Variants in SGCZ observed in about 807,000 individuals in gnomAD.
The protein encoded by SGCZ is zeta-sarcoglycan.
Under a neutral mutation model 41.3 loss-of-function variants are expected in SGCZ, and 40 were observed. That is an observed-to-expected ratio of 0.97 (90% CI 0.75 to 1.26). The LOEUF is 1.26. Among genes scored for constraint, SGCZ ranks in the 50% most tolerant of loss-of-function variants. The pLI, the probability that SGCZ is intolerant of heterozygous loss-of-function variation, is 0.00. For missense variants in SGCZ, 552 were observed against 369.8 expected (o/e 1.49, Z -4.04); for synonymous variants, 206 against 137.5 (o/e 1.50, Z -3.49).
intron 2 of SGCZ, among the ~76,000 whole-genome samples, chr8:14,479,147 G>A (rs1039047552): frequency 6.6e-6 from 1 of 152,186 alleles, no homozygotes; most frequent in Admixed American, 6.5e-5. Context: ...TGAGAAGCAA[G>A]GAAGCCAGTC....
At chr8:14,346,206 T>C (rs916722458) in intron 2 of SGCZ, among the ~76,000 whole-genome samples, 1 of 151,896 alleles carries the variant, frequency 6.6e-6, no homozygotes, top group Admixed American at 6.6e-5. Context: ...GTGGAGTGAG[T>C]TGATATATGG....
At chr8:14,444,271 A>G (rs1170829498) in intron 2 of SGCZ, among the ~76,000 whole-genome samples, 1 of 152,204 alleles carries the variant, frequency 6.6e-6, no homozygotes, top group African/African-American at 2.4e-5. Flanking sequence ...TCAGGGATCT[A>G]GAACTAGAAA....
intron 3 of SGCZ, among the ~76,000 whole-genome samples, chr8:14,253,366 A>G (rs1441288110): frequency 6.6e-6 from 1 of 152,084 alleles, no homozygotes. Context: ...ATATTATTAT[A>G]AGATAAAAGC....
chr8:14,324,879 G>T (rs564131858), intron 2 of SGCZ, among the ~76,000 whole-genome samples: 3 of 152,116 alleles, frequency 2.0e-5, no homozygotes, highest in Non-Finnish European at 4.4e-5. Context: ...GATTGACTAC[G>T]ATAAAGTTGT....
In SGCZ at chr8:15,235,966, G is replaced by C. The variant is rs866284067; in HGVS notation, c.39+1619C>G. 3.3e-5 allele frequency among the ~76,000 whole-genome samples: 5 copies of C among 152,138 alleles called. No homozygotes were observed. In the South Asian group the frequency reaches 6.2e-4, roughly 19 times the overall value. On this transcript the variant is annotated intron_variant, in intron 1 of 7. Coordinates refer to ENST00000382080, the MANE Select transcript of SGCZ (RefSeq NM_139167.4). ...AGTAGGGAATCTTTGCAAACATAAA[G>C]GCAATGTGTCCTATCGGAGTAGAGC...
At chr8:15,160,496 T>C (rs1412788800) in intron 1 of SGCZ, among the ~76,000 whole-genome samples, 2 of 152,134 alleles carry the variant, frequency 1.3e-5, no homozygotes, top group Admixed American at 6.5e-5. Flanking sequence ...CTAGTGTAGA[T>C]GGACCCAGCA....
chr8:14,142,993 A>C (rs1448344750), intron 5 of SGCZ, among the ~76,000 whole-genome samples: 1 of 129,704 alleles, frequency 7.7e-6, no homozygotes, highest in Non-Finnish European at 1.7e-5. Flanking sequence ...GTTTTTCTTT[A>C]TAAATTAAAA....
chr8:15,210,615 C>A (rs1434744852), intron 1 of SGCZ, among the ~76,000 whole-genome samples: 1 of 152,184 alleles, frequency 6.6e-6, no homozygotes, highest in Non-Finnish European at 1.5e-5. Context: ...GACCCCAAGT[C>A]TTTCCATCTT....
intron 2 of SGCZ, among the ~76,000 whole-genome samples, chr8:14,330,224 T>C (rs977416801): frequency 6.6e-6 from 1 of 152,164 alleles, no homozygotes; most frequent in African/African-American, 2.4e-5. Context: ...TTATTTATCT[T>C]CATGTTCATT....
chr8:14,613,715 A>G (rs940944930), intron 1 of SGCZ, among the ~76,000 whole-genome samples: 4 of 146,502 alleles, frequency 2.7e-5, no homozygotes, highest in Non-Finnish European at 6.1e-5. Context: ...ATCATCTGCA[A>G]ATTCCAAAGA....
chr8:14,227,820 C>G (rs1806424312), intron 4 of SGCZ, among the ~76,000 whole-genome samples: 1 of 152,000 alleles, frequency 6.6e-6, no homozygotes, highest in Non-Finnish European at 1.5e-5. Context: ...CATTATCTGA[C>G]TTGGAATTTT....
intron 2 of SGCZ, among the ~76,000 whole-genome samples, chr8:14,503,748 C>T (rs1049702704): frequency 6.6e-6 from 1 of 152,064 alleles, no homozygotes; most frequent in African/African-American, 2.4e-5. Context: ...AGCCTGGTGA[C>T]AGAGCAAGAC....
intron 3 of SGCZ, among the ~76,000 whole-genome samples, chr8:14,311,898 A>T (rs1413499373): frequency 1.3e-5 from 2 of 152,126 alleles, no homozygotes; most frequent in African/African-American, 4.8e-5. Context: ...AAAACATAAG[A>T]TTGCTGCTCT....
intron 2 of SGCZ, among the ~76,000 whole-genome samples, chr8:14,408,756 C>G (rs949733901): frequency 6.6e-6 from 1 of 152,140 alleles, no homozygotes; most frequent in South Asian, 2.1e-4. Context: ...CCTGAATTTT[C>G]TAAATCCCTA....
At chr8:14,144,512 G>C (rs1563151718) in intron 5 of SGCZ, among the ~76,000 whole-genome samples, 1 of 152,206 alleles carries the variant, frequency 6.6e-6, no homozygotes, top group African/African-American at 2.4e-5. Flanking sequence ...GTGAGATGTT[G>C]AGACATGGTG....
intron 1 of SGCZ, among the ~76,000 whole-genome samples, chr8:14,897,482 G>C (rs915086848): frequency 6.6e-6 from 1 of 152,110 alleles, no homozygotes; most frequent in African/African-American, 2.4e-5. Context: ...TGGCTCTTCT[G>C]TTCTCACAGG....
chr8:15,147,707 G>A (rs933823361), intron 1 of SGCZ, among the ~76,000 whole-genome samples: 1 of 152,318 alleles, frequency 6.6e-6, no homozygotes, highest in Admixed American at 6.5e-5. Context: ...AAGACTGAGA[G>A]GAGGGGAGAA....
chr8:14,873,075 G>A (rs1435110977), intron 1 of SGCZ, among the ~76,000 whole-genome samples: 2 of 152,138 alleles, frequency 1.3e-5, no homozygotes, highest in Non-Finnish European at 2.9e-5. Flanking sequence ...TTGGTTAAAT[G>A]TAATAGAAAC....
intron 2 of SGCZ, among the ~76,000 whole-genome samples, chr8:14,551,491 A>G (rs1444054428): frequency 2.7e-4 from 1 of 3,708 alleles, no homozygotes; most frequent in African/African-American, 1.0e-3. Context: ...TATATATATT[A>G]TATATATTAT....
Sources: gnomAD v4.1 joint callset for allele counts (sites outside exome capture counted in the v4.1 genomes callset) on GRCh38, gnomAD v4.1.1 for gene constraint, MANE v1.5 for transcripts, NCBI Gene and HGNC (gene_info 2026-07-23, HGNC 2026-07-21) for gene names.